FHIT: variants seen among roughly 807,000 people sequenced by gnomAD.
FHIT encodes the protein bis(5'-adenosyl)-triphosphatase.
A neutral mutation model predicts 17.9 loss-of-function variants in FHIT; 19 were observed. The ratio of observed to expected loss-of-function variants is 1.06; its 90% CI spans 0.74 to 1.56. The LOEUF is 1.56. FHIT is among the 40% of genes most tolerant of loss of function. The probability of loss-of-function intolerance (pLI) is 0.00; values close to 1 mark genes in which losing one functional copy is unlikely to be tolerated. For synonymous variants in FHIT, 81 were observed against 69.7 expected, an observed-to-expected ratio of 1.16 and a Z score of -0.81; for missense variants, 248 against 189.2, an observed-to-expected ratio of 1.31 and a Z score of -1.82.
intron 8 of FHIT, among the ~76,000 whole-genome samples, chr3:59,884,613 G>C (rs948926056): frequency 2.6e-5 from 4 of 152,146 alleles, no homozygotes; most frequent in Admixed American, 6.5e-5. Flanking sequence ...AGCTACACCA[G>C]CTACTTCCCC....
chr3:60,150,922 A>G (rs926375212), intron 5 of FHIT, among the ~76,000 whole-genome samples: 18 of 152,082 alleles, frequency 1.2e-4, no homozygotes, highest in Non-Finnish European at 2.6e-4. Flanking sequence ...CCGCCTCAAA[A>G]AAAAAAAAAG....
At chr3:60,895,815 C>T (rs1705785574) in intron 3 of FHIT, among the ~76,000 whole-genome samples, 1 of 98,394 alleles carries the variant, frequency 1.0e-5, no homozygotes, top group African/African-American at 2.8e-5. Context: ...TCAGACAGGT[C>T]CTCATTTTTT....
Position 60,377,773 on chromosome 3 carries a change from G to A in FHIT, c.103+159087C>T, listed in dbSNP as rs1004457377. Among the ~76,000 whole-genome samples the A allele has an allele frequency of 5.3e-5, 8 of 151,692 alleles. No individual in the cohort carries two copies. In the South Asian group the frequency reaches 6.3e-4, roughly 12 times the overall value. On this transcript the variant is annotated intron_variant, in intron 5 of 9. Transcript: ENST00000492590. ...TGGGATTACAGGCGTGAGCCACCGC[G>A]CCCGGCCCAGCCAAGAATTCTTAAG... is the stretch of plus-strand genomic sequence containing the variant.
intron 5 of FHIT, among the ~76,000 whole-genome samples, chr3:60,234,923 C>A (rs369479175): frequency 1.1e-3 from 174 of 152,248 alleles, no homozygotes; most frequent in Non-Finnish European, 2.1e-3. Context: ...TCGAGGATAA[C>A]TGTAGTTAGT....
chr3:60,925,495 C>G (rs976317430), intron 3 of FHIT, among the ~76,000 whole-genome samples: 2 of 152,174 alleles, frequency 1.3e-5, no homozygotes, highest in Non-Finnish European at 2.9e-5. Context: ...AAATACTTAA[C>G]AGACAAGCAA....
chr3:60,130,789 G>A (rs34388117), intron 5 of FHIT, among the ~76,000 whole-genome samples: 11,547 of 135,992 alleles, frequency 0.085, 651 homozygotes, highest in South Asian at 0.17. Context: ...TGTGTGGTGT[G>A]TATATACACA....
At chr3:59,795,075 C>G (rs1292378715) in intron 8 of FHIT, among the ~76,000 whole-genome samples, 1 of 152,120 alleles carries the variant, frequency 6.6e-6, no homozygotes, top group East Asian at 1.9e-4. Flanking sequence ...ACAGTAAGTT[C>G]TCAGGCAGTC....
chr3:60,377,199 T>C (rs1281219646), intron 5 of FHIT, among the ~76,000 whole-genome samples: 1 of 140,148 alleles, frequency 7.1e-6, no homozygotes, highest in Non-Finnish European at 1.5e-5. Flanking sequence ...GAGAAAGCCA[T>C]TAAGCTTTTT....
intron 3 of FHIT, among the ~76,000 whole-genome samples, chr3:60,878,727 AG>A (rs1393601842): frequency 1.3e-5 from 2 of 151,788 alleles, no homozygotes; most frequent in Non-Finnish European, 2.9e-5. Context: ...CCTATGAGTG[AG>A]AACACGCGGT....
chr3:60,837,253 C>T (rs1702570680), intron 3 of FHIT, among the ~76,000 whole-genome samples: 1 of 152,004 alleles, frequency 6.6e-6, no homozygotes, highest in Admixed American at 6.6e-5. Context: ...AAGGCTTCTG[C>T]AGTTTTTCAA....
At chr3:60,468,441 CT>C (rs1267051892) in intron 5 of FHIT, among the ~76,000 whole-genome samples, 1 of 151,870 alleles carries the variant, frequency 6.6e-6, no homozygotes, top group African/African-American at 2.4e-5. Flanking sequence ...TTATTGCTTG[CT>C]TTTTTATTTT....
chr3:61,186,132 G>A (rs1001788), intron 2 of FHIT, among the ~76,000 whole-genome samples: 49,450 of 151,984 alleles, frequency 0.33, 10,345 homozygotes, highest in Non-Finnish European at 0.46. Context: ...GCCCTGTAGC[G>A]GGTATAAGTA....
intron 5 of FHIT, among the ~76,000 whole-genome samples, chr3:60,506,946 G>A (rs1011089907): frequency 3.3e-5 from 5 of 152,228 alleles, no homozygotes; most frequent in East Asian, 1.9e-4. Flanking sequence ...TTAATAAATT[G>A]TGATTTAGTG....
chr3:60,931,164 T>C (rs1553771649), intron 3 of FHIT, among the ~76,000 whole-genome samples: 5 of 141,958 alleles, frequency 3.5e-5, no homozygotes, highest in Non-Finnish European at 7.5e-5. Context: ...AATTGAACAA[T>C]GAGAACACAT....
At chr3:60,357,533 C>A (rs1481930979) in intron 5 of FHIT, among the ~76,000 whole-genome samples, 1 of 152,112 alleles carries the variant, frequency 6.6e-6, no homozygotes, top group Non-Finnish European at 1.5e-5. Flanking sequence ...GCATGAGCCA[C>A]CACGCCCGGC....
chr3:60,882,537 T>A (rs1705026814), intron 3 of FHIT, among the ~76,000 whole-genome samples: 1 of 152,154 alleles, frequency 6.6e-6, no homozygotes, highest in Admixed American at 6.5e-5. Flanking sequence ...GTGGGATTTA[T>A]CCCAGCGATG....
intron 4 of FHIT, among the ~76,000 whole-genome samples, chr3:60,789,181 G>T (rs956392157): frequency 9.7e-4 from 128 of 132,638 alleles, no homozygotes; most frequent in African/African-American, 2.8e-3. Context: ...TATATAGAGA[G>T]AGAGAGAGAG....
intron 5 of FHIT, among the ~76,000 whole-genome samples, chr3:60,529,494 T>C (rs918021819): frequency 2.6e-5 from 4 of 152,110 alleles, no homozygotes; most frequent in Admixed American, 6.5e-5. Flanking sequence ...ATATTCTGCA[T>C]TATTTGAGTT....
intron 3 of FHIT, among the ~76,000 whole-genome samples, chr3:60,880,565 T>C (rs534170143): frequency 6.6e-6 from 1 of 152,300 alleles, no homozygotes; most frequent in East Asian, 1.9e-4. Context: ...AAATCCTGTC[T>C]CTACTCAACA....
Sources: allele counts gnomAD v4.1 joint callset (sites outside exome capture counted in the v4.1 genomes callset), GRCh38; gene constraint gnomAD v4.1.1; transcripts MANE v1.5; gene names NCBI Gene and HGNC (gene_info 2026-07-23, HGNC 2026-07-21).